RNGTT: variants seen among roughly 807,000 people sequenced by gnomAD.
The protein encoded by RNGTT is RNA guanylyltransferase and 5'-phosphatase, also known as mRNA-capping enzyme.
A neutral mutation model predicts 79.3 loss-of-function variants in RNGTT; 33 were observed. The observed-to-expected ratio is 0.42, with a 90% CI of 0.32 to 0.56. The LOEUF (loss-of-function observed/expected upper bound fraction) is 0.56. Ranked by LOEUF, RNGTT falls within the 20% of genes least tolerant of loss-of-function variation. RNGTT has a pLI of 0.17. For missense variants in RNGTT, 497 were observed against 739.1 expected, an observed-to-expected ratio of 0.67 and a Z score of 3.80; for synonymous variants, 222 against 235.9, an observed-to-expected ratio of 0.94 and a Z score of 0.54.
intron 11 of RNGTT, among the ~76,000 whole-genome samples, chr6:88,803,721 T>C (rs1779868421): frequency 6.6e-6 from 1 of 152,042 alleles, no homozygotes; most frequent in South Asian, 2.1e-4. Context: ...TTTGCTCTAC[T>C]TGTATTGTAG....
chr6:88,797,232 CAAT>C (rs912786778), intron 12 of RNGTT, among the ~76,000 whole-genome samples: 2 of 151,762 alleles, frequency 1.3e-5, no homozygotes, highest in African/African-American at 4.8e-5. Context: ...TACACAAACA[CAAT>C]AAAAAATTTG....
chr6:88,773,474 A>G (rs2127845244), intron 12 of RNGTT, among the ~76,000 whole-genome samples: 1 of 151,130 alleles, frequency 6.6e-6, no homozygotes, highest in East Asian at 1.9e-4. Context: ...GTATAATAAT[A>G]ATAAATAAAT....
intron 1 of RNGTT, among the ~76,000 whole-genome samples, chr6:88,941,392 C>T (rs1053109291): frequency 1.3e-5 from 2 of 152,088 alleles, no homozygotes; most frequent in Non-Finnish European, 2.9e-5. Flanking sequence ...CTCAGTCTCC[C>T]AAGTAGCTAG....
intron 12 of RNGTT, among the ~76,000 whole-genome samples, chr6:88,778,254 T>C (rs1038346683): frequency 5.9e-5 from 9 of 152,160 alleles, no homozygotes; most frequent in African/African-American, 2.2e-4. Flanking sequence ...GAAGGATGGG[T>C]AATATTCACT....
intron 14 of RNGTT, among the ~76,000 whole-genome samples, chr6:88,668,523 G>C (rs927617600): frequency 2.0e-5 from 3 of 152,178 alleles, no homozygotes; most frequent in African/African-American, 4.8e-5. Flanking sequence ...TCAGGTTACA[G>C]AGGTAGGGCA....
At chr6:88,867,189 T>TA (rs1368088016) in intron 8 of RNGTT, among the ~76,000 whole-genome samples, 1 of 151,442 alleles carries the variant, frequency 6.6e-6, no homozygotes, top group Non-Finnish European at 1.5e-5. Context: ...CAAAAGAAAA[T>TA]AGAAAAGCCA....
chr6:88,870,620 C>A (rs1391204776), intron 8 of RNGTT, among the ~76,000 whole-genome samples: 1 of 151,860 alleles, frequency 6.6e-6, no homozygotes, highest in Non-Finnish European at 1.5e-5. Flanking sequence ...AGAAAAAACA[C>A]TTCTAGGGAC....
At chr6:88,667,815 T>C (rs987713794) in intron 14 of RNGTT, among the ~76,000 whole-genome samples, 1 of 152,146 alleles carries the variant, frequency 6.6e-6, no homozygotes, top group African/African-American at 2.4e-5. Context: ...TGAATCGGAC[T>C]ATAAAAAATA....
intron 8 of RNGTT, among the ~76,000 whole-genome samples, chr6:88,871,929 C>T (rs1782370358): frequency 6.6e-6 from 1 of 152,068 alleles, no homozygotes; most frequent in Non-Finnish European, 1.5e-5. Context: ...ACATTTCTTA[C>T]CTCCTATTTG....
intron 12 of RNGTT, among the ~76,000 whole-genome samples, chr6:88,799,865 A>C (rs1177896031): frequency 1.3e-5 from 2 of 152,128 alleles, no homozygotes; most frequent in East Asian, 1.9e-4. Context: ...TCACACACTG[A>C]AATTTTCTGA....
intron 6 of RNGTT, among the ~76,000 whole-genome samples, chr6:88,900,595 G>A (rs1260315522): frequency 6.6e-5 from 10 of 151,792 alleles, no homozygotes; most frequent in Non-Finnish European, 1.3e-4. Context: ...TTGGCCAGGC[G>A]TAGTGGCAGG....
chr6:88,797,448 G>A (rs954860048), intron 12 of RNGTT, among the ~76,000 whole-genome samples: 1 of 152,076 alleles, frequency 6.6e-6, no homozygotes, highest in Non-Finnish European at 1.5e-5. Flanking sequence ...AGGTAAAAGG[G>A]ATTTCCTGGA....
chr6:88,898,673 G>A lies in RNGTT; in HGVS notation c.684+6042C>T, dbSNP rs115407951. On this transcript the variant is annotated intron_variant, in intron 6 of 15. Coordinates refer to ENST00000369485, the MANE Select transcript of RNGTT (RefSeq NM_003800.5). ...TAGTATATATACTGTGTGTGTGTGT[G>A]TATATATATATATTATATATATGTA... is the stretch of plus-strand genomic sequence containing the variant. 6.0e-3 allele frequency among the ~76,000 whole-genome samples: 878 copies of A among 147,424 alleles called. 3 individuals are homozygous for A. The highest frequency in any genetic ancestry group is 0.017 in the African/African-American group (676 of 39,962).
chr6:88,957,879 A>G (rs1785486363), intron 1 of RNGTT, among the ~76,000 whole-genome samples: 1 of 152,184 alleles, frequency 6.6e-6, no homozygotes, highest in Non-Finnish European at 1.5e-5. Context: ...AGAAAAAGCA[A>G]TCCTAAAATT....
At chr6:88,805,349 C>A (rs1333856251) in intron 11 of RNGTT, among the ~76,000 whole-genome samples, 1 of 152,160 alleles carries the variant, frequency 6.6e-6, no homozygotes, top group African/African-American at 2.4e-5. Flanking sequence ...ACAAGAGATA[C>A]AAACTTTTTC....
intron 13 of RNGTT, among the ~76,000 whole-genome samples, chr6:88,704,119 G>A (rs540717277): frequency 6.6e-6 from 1 of 151,918 alleles, no homozygotes; most frequent in South Asian, 2.1e-4. Flanking sequence ...AATTAGCCAG[G>A]CGTGGTGGCG....
chr6:88,795,699 C>A (rs62431778), intron 12 of RNGTT, among the ~76,000 whole-genome samples: 1 of 151,104 alleles, frequency 6.6e-6, no homozygotes, highest in Non-Finnish European at 1.5e-5. Flanking sequence ...TAAAAACCAC[C>A]ACCAAAAAAA....
At chr6:88,650,041 A>G (rs1169974518) in intron 14 of RNGTT, among the ~76,000 whole-genome samples, 2 of 152,216 alleles carry the variant, frequency 1.3e-5, no homozygotes, top group Non-Finnish European at 2.9e-5. Context: ...AAGCACCTGA[A>G]AATCATTGTC....
At chr6:88,930,023 CAT>C (rs1179151015) in intron 2 of RNGTT, among the ~76,000 whole-genome samples, 2 of 119,458 alleles carry the variant, frequency 1.7e-5, no homozygotes, top group Non-Finnish European at 3.8e-5. Flanking sequence ...TATGTATACA[CAT>C]ATATGCATAT....
Sources: allele counts gnomAD v4.1 joint callset (sites outside exome capture counted in the v4.1 genomes callset), GRCh38; gene constraint gnomAD v4.1.1; transcripts MANE v1.5; gene names NCBI Gene and HGNC (gene_info 2026-07-23, HGNC 2026-07-21).